GRID1: variants seen among roughly 807,000 people sequenced by gnomAD.
GRID1 encodes the protein glutamate ionotropic receptor delta type subunit 1, also known as glutamate receptor ionotropic, delta-1.
Under a neutral mutation model 98.0 loss-of-function variants are expected in GRID1, and 28 were observed. The ratio of observed to expected loss-of-function variants is 0.29; its 90% CI spans 0.21 to 0.39. GRID1 has a LOEUF of 0.39. GRID1 is among the 10% of genes least tolerant of loss of function. The pLI, the probability that GRID1 is intolerant of heterozygous loss-of-function variation, is 1.00. For missense variants in GRID1, 1,111 were observed against 1,340.5 expected (o/e 0.83, Z 2.67); for synonymous variants, 553 against 538.5 (o/e 1.03, Z -0.37).
chr10:85,812,227 A>G (rs534212874), intron 8 of GRID1, among the ~76,000 whole-genome samples: 1 of 152,184 alleles, frequency 6.6e-6, no homozygotes, highest in Non-Finnish European at 1.5e-5. Context: ...TGAAAAGATG[A>G]TAACTACCAT....
chr10:86,131,294 G>C (rs1036870415), intron 4 of GRID1, among the ~76,000 whole-genome samples: 4 of 152,110 alleles, frequency 2.6e-5, no homozygotes, highest in Admixed American at 2.6e-4. Context: ...CCCCAAGGCT[G>C]AACACCCTTG....
In GRID1 at chr10:85,600,536, T is replaced by G. The variant is rs1271715229; in HGVS notation, c.*1737A>C. 6.6e-6 allele frequency: 1 copy of G among 152,234 alleles called. No homozygotes were observed. Among genetic ancestry groups the G allele is most frequent in the Non-Finnish European group, 1.5e-5 (1 of 68,052 alleles). 9.4% of individuals were successfully genotyped at this position (152,234 alleles called of 1,614,324 possible). A position where few individuals can be genotyped will look rare whatever the true frequency, so the allele number is the denominator to read the frequency against. ...AGAAGCAATCAATAGGACTTTGTAT[T>G]TCTCCATGATCACAGAACCAGGCTC... is the stretch of plus-strand genomic sequence containing the variant. On this transcript the variant is annotated 3_prime_UTR_variant, in exon 16 of 16. Coordinates refer to ENST00000327946, the MANE Select transcript of GRID1 (RefSeq NM_017551.3).
intron 3 of GRID1, among the ~76,000 whole-genome samples, chr10:86,160,846 T>C (rs994872768): frequency 1.3e-5 from 2 of 152,212 alleles, no homozygotes; most frequent in African/African-American, 2.4e-5. Context: ...GAATGGAGTC[T>C]AGGAGACTCC....
intron 4 of GRID1, among the ~76,000 whole-genome samples, chr10:86,056,793 C>T (rs529025565): frequency 2.0e-5 from 3 of 152,312 alleles, no homozygotes; most frequent in African/African-American, 7.2e-5. Flanking sequence ...GGCTGTTGCC[C>T]ATACATATGG....
chr10:86,283,731 TCATA>T lies in GRID1; in HGVS notation c.236-77087_236-77084del, dbSNP rs530916214. On this transcript the variant is annotated intron_variant, in intron 2 of 15. Coordinates refer to ENST00000327946, the MANE Select transcript of GRID1 (RefSeq NM_017551.3). ...CACAACAGCAAATACACACCTGCCC[TCATA>T]CACACACCTCCATATACACACTGCC... 6.7e-5 allele frequency among the ~76,000 whole-genome samples: 10 copies of T among 148,992 alleles called. No individual in the cohort carries two copies. In the South Asian group the frequency reaches 2.1e-3, roughly 32 times the overall value.
chr10:86,169,480 C>A (rs1046050881), intron 3 of GRID1, among the ~76,000 whole-genome samples: 2 of 152,178 alleles, frequency 1.3e-5, no homozygotes, highest in African/African-American at 4.8e-5. Context: ...TGCCCCTGCA[C>A]AGGGGTACCC....
chr10:86,284,937 G>C (rs112840212), intron 2 of GRID1, among the ~76,000 whole-genome samples: 1 of 152,066 alleles, frequency 6.6e-6, no homozygotes, highest in Admixed American at 6.5e-5. Flanking sequence ...GTCACCTCTC[G>C]AGCCTCCATG....
intron 12 of GRID1, among the ~76,000 whole-genome samples, chr10:85,692,365 A>C (rs1269504929): frequency 1.3e-5 from 2 of 152,176 alleles, no homozygotes; most frequent in African/African-American, 4.8e-5. Context: ...GTTCAGTGAT[A>C]GAAACAAAAG....
At chr10:85,940,183 G>A (rs781769060) in intron 4 of GRID1, among the ~76,000 whole-genome samples, 45 of 151,956 alleles carry the variant, frequency 3.0e-4, no homozygotes, top group Middle Eastern at 3.4e-3. Flanking sequence ...TATCATAGTA[G>A]TTTCTTAACT....
At chr10:85,721,750 C>G (rs1841705085) in intron 12 of GRID1, among the ~76,000 whole-genome samples, 1 of 152,084 alleles carries the variant, frequency 6.6e-6, no homozygotes. Flanking sequence ...CACAAAGGAT[C>G]CTTGTGGTGA....
intron 12 of GRID1, among the ~76,000 whole-genome samples, chr10:85,668,719 T>G (rs1841051406): frequency 6.6e-6 from 1 of 152,230 alleles, no homozygotes; most frequent in Non-Finnish European, 1.5e-5. Flanking sequence ...CCTGAGGGAC[T>G]GCTAGAAAAC....
intron 2 of GRID1, among the ~76,000 whole-genome samples, chr10:86,339,596 T>A (rs903595857): frequency 3.9e-5 from 6 of 152,144 alleles, no homozygotes; most frequent in Non-Finnish European, 7.3e-5. Flanking sequence ...CATGGCCATG[T>A]GAGCAGCCTC....
At chr10:85,857,995 T>C (rs1021024629) in intron 6 of GRID1, among the ~76,000 whole-genome samples, 2 of 152,172 alleles carry the variant, frequency 1.3e-5, no homozygotes, top group Admixed American at 6.5e-5. Context: ...GATGAGCCAA[T>C]AGGAGGTGCA....
intron 2 of GRID1, among the ~76,000 whole-genome samples, chr10:86,232,521 C>T (rs924108753): frequency 6.6e-6 from 1 of 152,236 alleles, no homozygotes; most frequent in Non-Finnish European, 1.5e-5. Flanking sequence ...AACCTACCCC[C>T]ACCACCACCT....
At chr10:86,159,478 G>T (rs1374897028) in intron 3 of GRID1, among the ~76,000 whole-genome samples, 1 of 152,226 alleles carries the variant, frequency 6.6e-6, no homozygotes, top group African/African-American at 2.4e-5. Context: ...TGCTGTGCAG[G>T]TTTGTAGCCT....
At chr10:85,892,712 T>C (rs1391964436) in intron 5 of GRID1, among the ~76,000 whole-genome samples, 1 of 152,092 alleles carries the variant, frequency 6.6e-6, no homozygotes, top group Non-Finnish European at 1.5e-5. Flanking sequence ...TTAAAATCTT[T>C]CCATGAAGGG....
At chr10:85,945,292 T>TA (rs1367185880) in intron 4 of GRID1, among the ~76,000 whole-genome samples, 1 of 152,240 alleles carries the variant, frequency 6.6e-6, no homozygotes, top group African/African-American at 2.4e-5. Context: ...TTGGTATAAT[T>TA]AAAAACATAT....
chr10:85,946,774 A>G (rs7906886), intron 4 of GRID1, among the ~76,000 whole-genome samples: 93,502 of 151,950 alleles, frequency 0.62, 28,921 homozygotes, highest in Middle Eastern at 0.73. Context: ...AGTGTTCTCA[A>G]GCATCCAGGA....
At position 85,879,902 on chromosome 10, in the gene GRID1, A is replaced by T. The variant is rs535160266; in HGVS notation, c.781-10722T>A. Among the ~76,000 whole-genome samples the T allele has an allele frequency of 3.9e-5, 6 of 152,302 alleles. No homozygotes were observed. The South Asian group carries it at 1.2e-3, about 32-fold the overall frequency. Reference sequence around the variant, plus strand: ...AGACTAATAAAGAAGAAAAGAGAGAAGAATCAAATAGACGCAATAAAAAAT... The same window carrying T: ...AGACTAATAAAGAAGAAAAGAGAGATGAATCAAATAGACGCAATAAAAAAT... On this transcript the variant is annotated intron_variant, in intron 5 of 15. Transcript: ENST00000327946.
Sources: gnomAD v4.1 joint callset for allele counts (sites outside exome capture counted in the v4.1 genomes callset) on GRCh38, gnomAD v4.1.1 for gene constraint, MANE v1.5 for transcripts, NCBI Gene and HGNC (gene_info 2026-07-23, HGNC 2026-07-21) for gene names.